SLC25A24: variants seen among roughly 807,000 people sequenced by gnomAD.
The protein encoded by SLC25A24 is mitochondrial adenyl nucleotide antiporter SLC25A24.
In SLC25A24, 49 loss-of-function variants were observed where a neutral mutation model predicts 60.7. That is an observed-to-expected ratio of 0.81 (90% confidence interval 0.64 to 1.02). SLC25A24 has a LOEUF of 1.02. Among genes scored for constraint, SLC25A24 ranks in the 50% least tolerant of loss-of-function variants. The pLI, the probability that SLC25A24 is intolerant of heterozygous loss-of-function variation, is 0.00. For missense variants in SLC25A24, 564 were observed against 586.3 expected, an observed-to-expected ratio of 0.96 and a Z score of 0.39; for synonymous variants, 202 against 200.6, an observed-to-expected ratio of 1.01 and a Z score of -0.06.
At position 108,182,029 on chromosome 1, in the gene SLC25A24, C is replaced by A; in HGVS notation, c.311-1G>T. The A allele has an allele frequency of 6.2e-7, 1 of 1,600,464 alleles. No homozygotes were observed. Among genetic ancestry groups the A allele is most frequent in the Non-Finnish European group, 8.5e-7 (1 of 1,169,636 alleles). ...ACAATTTCTGAAGCCTCAATTTTTC[C>A]TTTAAAAAAATAAAAAGGGCAAAAA... is the stretch of plus-strand genomic sequence containing the variant. On this transcript the variant is annotated splice_acceptor_variant, in intron 2 of 9. Transcript: ENST00000565488. LOFTEE classifies it high-confidence loss of function.
intron 1 of SLC25A24, among the ~76,000 whole-genome samples, chr1:108,189,850 A>T (rs951330261): frequency 7.3e-6 from 1 of 136,420 alleles, no homozygotes; most frequent in Non-Finnish European, 1.6e-5. Flanking sequence ...AATTAAAGAT[A>T]AAGTAAAAAA....
At chr1:108,186,336 C>T (rs1447756323) in intron 1 of SLC25A24, among the ~76,000 whole-genome samples, 2 of 152,040 alleles carry the variant, frequency 1.3e-5, no homozygotes, top group African/African-American at 4.8e-5. Context: ...GGGGGAGGAT[C>T]ACTTGAGGTC....
In SLC25A24 at chr1:108,135,808, A is replaced by T. The variant is rs1025329018; in HGVS notation, c.*845T>A. 1 of 152,642 alleles carries T rather than the reference A, an allele frequency of 6.6e-6. No individual in the cohort carries two copies. The highest frequency in any genetic ancestry group is 2.4e-5 in the African/African-American group (1 of 41,464). The allele number at this position is 152,642 out of a possible 1,614,324, so 9.5% of individuals were successfully genotyped here. ...CAGGTTACTAAGAATGGTCCCAAGAAGTCTTCCTGACTAAAACGGAATCTG... is the reference window on the plus strand; with the variant it reads ...CAGGTTACTAAGAATGGTCCCAAGATGTCTTCCTGACTAAAACGGAATCTG... On this transcript the variant is annotated 3_prime_UTR_variant, in exon 10 of 10. Coordinates refer to ENST00000565488, the MANE Select transcript of SLC25A24 (RefSeq NM_013386.5).
At position 108,143,682 on chromosome 1, in the gene SLC25A24, T is replaced by A. The variant is rs1177262098; in HGVS notation, c.959A>T (p.Lys320Ile). Residue 320 changes from lysine to isoleucine, a missense_variant, in exon 8 of 10, where the codon AAA becomes ATA. Coordinates refer to ENST00000565488, the MANE Select transcript of SLC25A24 (RefSeq NM_013386.5). Reference protein sequence around the residue: ...EVMKTRLAVGKTGQYSGIYDC... With the variant: ...EVMKTRLAVGITGQYSGIYDC... Reference sequence around the variant, plus strand: ...ATATATTCCAGAGTACTGCCCAGTTTTGCCTACAGCCAGCCTGGTTTTCAT... The same window carrying A: ...ATATATTCCAGAGTACTGCCCAGTTATGCCTACAGCCAGCCTGGTTTTCAT... 6.2e-7 allele frequency: 1 copy of A among 1,612,566 alleles called. No homozygotes were observed. Among genetic ancestry groups the A allele is most frequent in the Non-Finnish European group, 8.5e-7 (1 of 1,179,536 alleles).
chr1:108,145,152 G>C (rs1679551022), intron 7 of SLC25A24, among the ~76,000 whole-genome samples: 1 of 152,154 alleles, frequency 6.6e-6, no homozygotes, highest in African/African-American at 2.4e-5. Flanking sequence ...GTTTTGATTT[G>C]CATTTCTCTA....
At chr1:108,173,685 C>G (rs1176888063) in intron 3 of SLC25A24, among the ~76,000 whole-genome samples, 1 of 152,124 alleles carries the variant, frequency 6.6e-6, no homozygotes, top group Non-Finnish European at 1.5e-5. Flanking sequence ...TTTGGAACTT[C>G]TTAAAAATTT....
At chr1:108,152,131 A>G (rs997143877) in intron 6 of SLC25A24, among the ~76,000 whole-genome samples, 1 of 152,114 alleles carries the variant, frequency 6.6e-6, no homozygotes, top group Non-Finnish European at 1.5e-5. Context: ...ACTTCCCTAT[A>G]TAAGATGCTA....
At chr1:108,149,636 C>T (rs1257394782) in intron 6 of SLC25A24, among the ~76,000 whole-genome samples, 1 of 152,182 alleles carries the variant, frequency 6.6e-6, no homozygotes, top group Non-Finnish European at 1.5e-5. Context: ...CCAGGCAAGC[C>T]AGATTCCTTC....
In SLC25A24 at chr1:108,155,118, T is replaced by G; in HGVS notation, c.687A>C (p.Ser229=). 3 of 1,610,322 alleles carry G rather than the reference T, an allele frequency of 1.9e-6. No individual in the cohort carries two copies. Among genetic ancestry groups the G allele is most frequent in the Non-Finnish European group, 2.5e-6 (3 of 1,178,304 alleles). The change falls in exon 6 of 10, where the codon TCA becomes TCC. Residue 229 remains serine, a synonymous_variant. Coordinates refer to ENST00000565488, the MANE Select transcript of SLC25A24 (RefSeq NM_013386.5). The stretch of plus-strand genomic sequence containing the variant: ...AGCCACCAAATATGTTCATTTTGTC[T>G]GATTTTGAACCGTGAACCTAAAAAT... ...KIMMQVHGSK[S]DKMNIFGGFR... is the part of the protein sequence containing the mutation.
intron 7 of SLC25A24, among the ~76,000 whole-genome samples, chr1:108,144,319 G>A (rs1421372915): frequency 1.3e-5 from 2 of 152,022 alleles, no homozygotes; most frequent in Non-Finnish European, 2.9e-5. Context: ...TTGCTATAAA[G>A]CAGTAGTTGG....
At position 108,143,631 on chromosome 1, in the gene SLC25A24, T is replaced by C; in HGVS notation, c.1010A>G (p.His337Arg). 4.3e-6 allele frequency: 7 copies of C among 1,613,904 alleles called. No homozygotes were observed. Among genetic ancestry groups the C allele is most frequent in the African/African-American group, 1.3e-5 (1 of 75,054 alleles). ...IYDCAKKILK[H>R]EGLGAFYKGY... ...TTTGTAAAAAGCTCCCAAGCCTTCA[T>C]GTTTCAAAATCTTCTTGGCACAATC... The change falls in exon 8 of 10, where the codon CAT becomes CGT. Residue 337 changes from histidine to arginine, a missense_variant. Physicochemically the swap from His to Arg is conservative, Grantham distance 29. Transcript: ENST00000565488.
In SLC25A24 at chr1:108,143,827, G is replaced by A. The variant is rs550590163; in HGVS notation, c.931-117C>T. On this transcript the variant is annotated intron_variant, in intron 7 of 9. Transcript: ENST00000565488. ...AGCACATATTGTCACTCAAAAGACT[G>A]TACAATTTGTTGATACATTCTCTTT... The A allele has an allele frequency of 1.4e-5, 11 of 786,814 alleles. No individual in the cohort carries two copies. The Admixed American group carries it at 3.1e-4, about 22-fold the overall frequency. The allele number at this position is 786,814 out of a possible 1,614,324, so 48.7% of individuals were successfully genotyped here.
intron 3 of SLC25A24, among the ~76,000 whole-genome samples, chr1:108,178,222 A>G (rs1647766249): frequency 1.3e-5 from 2 of 152,118 alleles, no homozygotes; most frequent in African/African-American, 4.8e-5. Context: ...AATACGTCTG[A>G]AAGGAGAGAG....
chr1:108,143,796 A>C (rs564711112), intron 7 of SLC25A24, 86 bp from the exon 8 acceptor site: 3 of 984,376 alleles, frequency 3.0e-6, no homozygotes, highest in Non-Finnish European at 4.6e-6. Flanking sequence ...CATGGAACAA[A>C]TACCTAGCAC....
chr1:108,188,137 AAC>A (rs1483421879), intron 1 of SLC25A24, among the ~76,000 whole-genome samples: 1 of 151,848 alleles, frequency 6.6e-6, no homozygotes, highest in African/African-American at 2.4e-5. Flanking sequence ...TAGAAAACCA[AAC>A]ACCACAAGTT....
chr1:108,147,054 T>G (rs899011076), intron 7 of SLC25A24, among the ~76,000 whole-genome samples: 1 of 152,222 alleles, frequency 6.6e-6, no homozygotes, highest in Non-Finnish European at 1.5e-5. Flanking sequence ...TGGGTTTTTT[T>G]TGGTTGGTAG....
At position 108,182,023 on chromosome 1, in the gene SLC25A24, T is replaced by C. The variant is rs1181864070; in HGVS notation, c.316A>G (p.Ile106Val). ...GACTGGACAATTTCTGAAGCCTCAA[T>C]TTTTCCTTTAAAAAAATAAAAAGGG... ...KSLDKNNDGKIEASEIVQSLQ... is the reference protein window; with the variant it reads ...KSLDKNNDGKVEASEIVQSLQ... The change falls in exon 3 of 10, where the codon ATT becomes GTT. Residue 106 changes from isoleucine to valine, a missense_variant. Transcript: ENST00000565488. The C allele has an allele frequency of 1.2e-6, 2 of 1,605,482 alleles. No homozygotes were observed. Among genetic ancestry groups the C allele is most frequent in the Non-Finnish European group, 1.7e-6 (2 of 1,173,570 alleles).
chr1:108,146,272 G>A (rs960884374), intron 7 of SLC25A24, among the ~76,000 whole-genome samples: 2 of 152,180 alleles, frequency 1.3e-5, no homozygotes, highest in Non-Finnish European at 2.9e-5. Flanking sequence ...TTTGTACCCT[G>A]AGACTTTGCT....
rs1194077727 is a variant in SLC25A24, at chr1:108,134,840, T to C, written c.*1813A>G. ...ACAAGTAATTTTAGAAACAAATATA[T>C]ATTTTTGATAGAAACTGTAAGTAAA... On this transcript the variant is annotated 3_prime_UTR_variant, in exon 10 of 10. Coordinates refer to ENST00000565488, the MANE Select transcript of SLC25A24 (RefSeq NM_013386.5). 1 of 152,078 alleles carries C rather than the reference T, an allele frequency of 6.6e-6. No homozygotes were observed. The highest frequency in any genetic ancestry group is 1.5e-5 in the Non-Finnish European group (1 of 68,018). The allele number at this position is 152,078 out of a possible 1,614,324, so 9.4% of individuals were successfully genotyped here.
Sources: allele counts gnomAD v4.1 joint callset (sites outside exome capture counted in the v4.1 genomes callset), GRCh38; gene constraint gnomAD v4.1.1; transcripts MANE v1.5; gene names NCBI Gene and HGNC (gene_info 2026-07-23, HGNC 2026-07-21).